The following ZNF141 variants were observed in gnomAD, a reference collection of about 807,000 sequenced individuals.
The protein encoded by ZNF141 is zinc finger protein 141 (clone pHZ-44).
Under a neutral mutation model 11.3 loss-of-function variants are expected in ZNF141, and 7 were observed. The ratio of observed to expected loss-of-function variants is 0.62; its 90% CI spans 0.35 to 1.16. The LOEUF (loss-of-function observed/expected upper bound fraction) is 1.16. Ranked by LOEUF, ZNF141 falls within the 50% of genes most tolerant of loss-of-function variation. The pLI is 0.02. For synonymous variants in ZNF141, 183 were observed against 190.7 expected, an observed-to-expected ratio of 0.96 and a Z score of 0.33; for missense variants, 535 against 554.0, an observed-to-expected ratio of 0.97 and a Z score of 0.34.
rs1289485942 is a variant in ZNF141 at position 379,371 on chromosome 4, A to C, written c.*5509A>C. On this transcript the variant is annotated 3_prime_UTR_variant, in exon 4 of 4. Coordinates refer to ENST00000240499, the MANE Select transcript of ZNF141 (RefSeq NM_003441.4). The stretch of plus-strand genomic sequence containing the variant: ...AGTAAATATTAGAGTTCCTATGATT[A>C]TTTTCTTCTTTATTTTATTTTTGAG... Among the ~76,000 whole-genome samples the C allele has an allele frequency of 6.6e-6, 1 of 151,434 alleles. No individual in the cohort carries two copies. The highest frequency in any genetic ancestry group is 1.5e-5 in the Non-Finnish European group (1 of 67,854).
Position 375,287 on chromosome 4 carries a change from TTC to T in ZNF141, c.*1430_*1431del, listed in dbSNP as rs1553854417. 6.6e-6 allele frequency: 1 copy of T among 152,142 alleles called. No individual in the cohort carries two copies. Among genetic ancestry groups the T allele is most frequent in the African/African-American group, 2.4e-5 (1 of 41,448 alleles). 9.4% of individuals were successfully genotyped at this position (152,142 alleles called of 1,614,324 possible). On this transcript the variant is annotated 3_prime_UTR_variant, in exon 4 of 4. Coordinates refer to ENST00000240499, the MANE Select transcript of ZNF141 (RefSeq NM_003441.4). Reference sequence around the variant, plus strand: ...ATAAAGAGGGTTGTAGTACCTGTACTTCTCTCATGGATTTTGTTGTACACATT... The same window carrying T: ...ATAAAGAGGGTTGTAGTACCTGTACTTCTCATGGATTTTGTTGTACACATT...
rs551511087 is a variant in ZNF141, at chr4:374,441, C to A, written c.*579C>A. Reference sequence around the variant, plus strand: ...TTGTTAAACATAAGAGAATTTATACCAGAGAGAAACCCTACACATGTAAAG... The same window carrying A: ...TTGTTAAACATAAGAGAATTTATACAAGAGAGAAACCCTACACATGTAAAG... On this transcript the variant is annotated 3_prime_UTR_variant, in exon 4 of 4. Coordinates refer to ENST00000240499, the MANE Select transcript of ZNF141 (RefSeq NM_003441.4). 99 of 347,822 alleles carry A rather than the reference C, an allele frequency of 2.8e-4. No individual in the cohort carries two copies. The highest frequency in any genetic ancestry group is 2.0e-3 in the African/African-American group (97 of 47,466). The allele number at this position is 347,822 out of a possible 1,614,324, so 21.5% of individuals were successfully genotyped here. A position where few individuals can be genotyped will look rare whatever the true frequency, so the allele number is the denominator to read the frequency against.
intron 3 of ZNF141, among the ~76,000 whole-genome samples, chr4:364,095 G>A (rs11723986): frequency 0.3 from 45,082 of 152,016 alleles, 8,010 homozygotes; most frequent in East Asian, 0.49. Flanking sequence ...TGGTTTGCCA[G>A]TATTTTATTG....
chr4:361,827 G>A (rs545858745), intron 3 of ZNF141, among the ~76,000 whole-genome samples: 22 of 152,200 alleles, frequency 1.4e-4, no homozygotes, highest in East Asian at 7.7e-4. Flanking sequence ...GAATAGTGCC[G>A]CAGTAAACAT....
rs556613443 is a variant in ZNF141, at chr4:366,361, T to C, written c.227-6303T>C. On this transcript the variant is annotated intron_variant, in intron 3 of 3. Coordinates refer to ENST00000240499, the MANE Select transcript of ZNF141 (RefSeq NM_003441.4). ...TCTCACCCTGTTGCCCAGGCTGGAGTGCAATGGCACAATATCAGTGCACCA... is the reference window on the plus strand; with the variant it reads ...TCTCACCCTGTTGCCCAGGCTGGAGCGCAATGGCACAATATCAGTGCACCA... Among the ~76,000 whole-genome samples the C allele has an allele frequency of 4.6e-5, 7 of 152,352 alleles. No homozygotes were observed. The South Asian group carries it at 1.5e-3, about 32-fold the overall frequency.
chr4:369,741 T>C (rs1303942307), intron 3 of ZNF141, among the ~76,000 whole-genome samples: 1 of 31,324 alleles, frequency 3.2e-5, no homozygotes, highest in Non-Finnish European at 6.3e-5. Context: ...TAAAGAGATA[T>C]ATATATATAT....
At position 372,882 on chromosome 4, in the gene ZNF141, G is replaced by T. The variant is rs369201541; in HGVS notation, c.445G>T (p.Ala149Ser). 1 of 1,613,348 alleles carries T rather than the reference G, an allele frequency of 6.2e-7. No homozygotes were observed. Among genetic ancestry groups the T allele is most frequent in the Non-Finnish European group, 8.5e-7 (1 of 1,179,458 alleles). The change falls in exon 4 of 4, where the codon GCA becomes TCA. Residue 149 changes from alanine to serine, a missense_variant. Coordinates refer to ENST00000240499, the MANE Select transcript of ZNF141 (RefSeq NM_003441.4). ...TTQSKILQCK[A>S]SVKVVSKFSN... ...CCAGAGCAAAATACTTCAGTGTAAAGCAAGTGTCAAAGTTGTTAGTAAATT... is the reference window on the plus strand; with the variant it reads ...CCAGAGCAAAATACTTCAGTGTAAATCAAGTGTCAAAGTTGTTAGTAAATT...
At chr4:369,941 A>G (rs915577995) in intron 3 of ZNF141, among the ~76,000 whole-genome samples, 11 of 150,202 alleles carry the variant, frequency 7.3e-5, no homozygotes, top group Non-Finnish European at 1.6e-4. Flanking sequence ...TAATTTTTGT[A>G]TTTTTAGTAG....
Position 337,815 on chromosome 4 carries a change from T to C in ZNF141, c.-169T>C. ...GGTGGCTTCCGGGATGTGGCGCGGG[T>C]CTTTGCGTCTGGCTACTACCAGACC... On this transcript the variant is annotated 5_prime_UTR_variant, in exon 1 of 4. Transcript: ENST00000240499. 1.3e-6 allele frequency: 1 copy of C among 786,826 alleles called. No homozygotes were observed. The highest frequency in any genetic ancestry group is 2.1e-6 in the Non-Finnish European group (1 of 478,534). 48.7% of individuals were successfully genotyped at this position (786,826 alleles called of 1,614,324 possible).
intron 3 of ZNF141, among the ~76,000 whole-genome samples, chr4:363,925 C>T (rs1422217603): frequency 2.0e-5 from 3 of 152,050 alleles, no homozygotes; most frequent in Non-Finnish European, 4.4e-5. Context: ...TGCCGAAGGC[C>T]TTTTCTGCAT....
At chr4:354,886 T>G (rs539475914) in intron 3 of ZNF141, among the ~76,000 whole-genome samples, 30 of 152,198 alleles carry the variant, frequency 2.0e-4, no homozygotes, top group African/African-American at 6.7e-4. Context: ...AAAATTGTGA[T>G]TTAAAAACTT....
At chr4:340,488 T>A (rs1560177891) in intron 1 of ZNF141, among the ~76,000 whole-genome samples, 1 of 152,216 alleles carries the variant, frequency 6.6e-6, no homozygotes, top group Non-Finnish European at 1.5e-5. Context: ...GGTTCACACA[T>A]GTGCATTGAT....
intron 1 of ZNF141, among the ~76,000 whole-genome samples, chr4:342,461 A>G (rs559477322): frequency 6.6e-6 from 1 of 152,098 alleles, no homozygotes; most frequent in Non-Finnish European, 1.5e-5. Flanking sequence ...TGCTTTCTCT[A>G]ACTGAGTGGT....
In ZNF141 at chr4:343,919, C is replaced by T. The variant is rs1398312084; in HGVS notation, c.130+11C>T. On this transcript the variant is annotated intron_variant, in intron 2 of 3. Transcript: ENST00000240499. ...ACCTGGTCTCCCTGGGTGAGGATAA[C>T]TTCAATACATAATTCCTAATTTTTC... 6.3e-6 allele frequency: 10 copies of T among 1,583,896 alleles called. No individual in the cohort carries two copies. Among genetic ancestry groups the T allele is most frequent in the Non-Finnish European group, 8.5e-6 (10 of 1,172,806 alleles).
Position 372,951 on chromosome 4 carries a change from C to A in ZNF141, c.514C>A (p.His172Asn). 3 of 1,614,088 alleles carry A rather than the reference C, an allele frequency of 1.9e-6. No homozygotes were observed. Among genetic ancestry groups the A allele is most frequent in the Non-Finnish European group, 2.5e-6 (3 of 1,179,984 alleles). Reference sequence around the variant, plus strand: ...TAAGACAAGACATACTGGAGAGAAACACTTTAAAGAATGTGGCAAATCATT... The same window carrying A: ...TAAGACAAGACATACTGGAGAGAAAAACTTTAAAGAATGTGGCAAATCATT... ...KRKTRHTGEK[H>N]FKECGKSFQK... The change falls in exon 4 of 4, where the codon CAC (histidine) becomes AAC (asparagine). Residue 172 changes from histidine to asparagine, a missense_variant. By Grantham distance (68) the His-to-Asn change is moderately conservative (BLOSUM62 1). Coordinates refer to ENST00000240499, the MANE Select transcript of ZNF141 (RefSeq NM_003441.4).
Position 373,861 on chromosome 4 carries a change from G to C in ZNF141, c.1424G>C (p.Ter475SerextTer28), listed in dbSNP as rs1712222327. ...HLNKHKKIHT* is the reference protein window; with the variant it reads ...HLNKHKKIHTS The stretch of plus-strand genomic sequence containing the variant: ...AATAAACATAAGAAAATTCATACTT[G>C]AGAGAAATCCTACAAATGTAAAGAA... Residue 475 changes from the stop codon to serine, a stop_lost, in exon 4 of 4, where the codon TGA (stop) becomes TCA (serine). Transcript: ENST00000240499. 1 of 1,596,706 alleles carries C rather than the reference G, an allele frequency of 6.3e-7. No homozygotes were observed. Among genetic ancestry groups the C allele is most frequent in the East Asian group, 2.2e-5 (1 of 44,696 alleles).
In ZNF141 at chr4:381,901, C is replaced by G. The variant is rs978597831; in HGVS notation, c.*8039C>G. Among the ~76,000 whole-genome samples the G allele has an allele frequency of 9.3e-5, 14 of 149,852 alleles. No individual in the cohort carries two copies. The East Asian group carries it at 2.7e-3, about 29-fold the overall frequency. The stretch of plus-strand genomic sequence containing the variant: ...GTCAAGATGAAATTGCTCAGAGAAA[C>G]AGGAGGGCTGACCAAGCAGCTAGGG... On this transcript the variant is annotated 3_prime_UTR_variant, in exon 4 of 4. Transcript: ENST00000240499.
At chr4:344,675 T>C (rs1398775534) in intron 3 of ZNF141, among the ~76,000 whole-genome samples, 1 of 151,930 alleles carries the variant, frequency 6.6e-6, no homozygotes, top group Non-Finnish European at 1.5e-5. Context: ...GCACCTGGAG[T>C]CCCAGCTACT....
In ZNF141 at chr4:372,957, A is replaced by T; in HGVS notation, c.520A>T (p.Lys174Ter). ...AAGACATACTGGAGAGAAACACTTT[A>T]AAGAATGTGGCAAATCATTTCAGAA... ...KTRHTGEKHF[K>*]ECGKSFQKFS... The change falls in exon 4 of 4, where the codon AAA (lysine) becomes TAA (stop). Residue 174 changes from lysine (K) to a stop codon, truncating the protein, a stop_gained. Transcript: ENST00000240499. LOFTEE classifies it low-confidence loss of function (END_TRUNC). The T allele has an allele frequency of 6.2e-7, 1 of 1,614,152 alleles. No homozygotes were observed. Among genetic ancestry groups the T allele is most frequent in the Non-Finnish European group, 8.5e-7 (1 of 1,179,994 alleles).
Sources: gnomAD v4.1 joint callset for allele counts (sites outside exome capture counted in the v4.1 genomes callset) on GRCh38, gnomAD v4.1.1 for gene constraint, MANE v1.5 for transcripts, NCBI Gene and HGNC (gene_info 2026-07-23, HGNC 2026-07-21) for gene names.